SLC39A11: variants seen among roughly 807,000 people sequenced by gnomAD.
The protein encoded by SLC39A11 is solute carrier family 39 member 11, also known as zinc transporter ZIP11.
In SLC39A11, 33 loss-of-function variants were observed where a neutral mutation model predicts 36.1. That is an observed-to-expected ratio of 0.91 (90% CI 0.69 to 1.22). The LOEUF (loss-of-function observed/expected upper bound fraction) is 1.22. Among genes scored for constraint, SLC39A11 ranks in the 50% most tolerant of loss-of-function variants. The probability of loss-of-function intolerance (pLI) is 0.00; values close to 1 mark genes in which losing one functional copy is unlikely to be tolerated. For synonymous variants in SLC39A11, 166 were observed against 170.3 expected (o/e 0.97, Z 0.20); for missense variants, 432 against 430.3 (o/e 1.00, Z -0.03).
chr17:72,717,181 T>C (rs1028324678), intron 7 of SLC39A11, among the ~76,000 whole-genome samples: 2 of 149,600 alleles, frequency 1.3e-5, no homozygotes, highest in Admixed American at 1.3e-4. Context: ...AATAAAAATT[T>C]TAAAAAATTT....
intron 6 of SLC39A11, among the ~76,000 whole-genome samples, chr17:72,801,604 A>G (rs2077086294): frequency 6.6e-6 from 1 of 152,254 alleles, no homozygotes; most frequent in African/African-American, 2.4e-5. Context: ...GGAATTGCAC[A>G]TTGTAAATGG....
chr17:72,746,595 G>A lies in SLC39A11; in HGVS notation c.602-9876C>T, dbSNP rs538692132. Reference sequence around the variant, plus strand: ...CTACTAAAAATACAAAAAATTAGCCGGGCGTGGTGGTGGGCACCTGTAGTC... The same window carrying A: ...CTACTAAAAATACAAAAAATTAGCCAGGCGTGGTGGTGGGCACCTGTAGTC... On this transcript the variant is annotated intron_variant, in intron 6 of 9. Coordinates refer to ENST00000255559, the MANE Select transcript of SLC39A11 (RefSeq NM_139177.4). Among the ~76,000 whole-genome samples, 36 of 152,148 alleles carry A rather than the reference G, an allele frequency of 2.4e-4. No individual in the cohort carries two copies. In the East Asian group the frequency reaches 4.3e-3, roughly 18 times the overall value.
chr17:72,703,074 C>A (rs1473289419), intron 7 of SLC39A11, among the ~76,000 whole-genome samples: 2 of 152,066 alleles, frequency 1.3e-5, no homozygotes, highest in East Asian at 1.9e-4. Flanking sequence ...CATCACCAGA[C>A]ACCAGAGCTG....
rs35888661 is a variant in SLC39A11, at chr17:72,919,669, C to CAAAA, written c.430+28079_430+28082dup. Among the ~76,000 whole-genome samples, 22 of 68,972 alleles carry CAAAA rather than the reference C, an allele frequency of 3.2e-4. 1 individual carries two copies. The highest frequency in any genetic ancestry group is 6.9e-4 in the African/African-American group (10 of 14,520). The allele number at this position is 68,972 out of a possible 152,430, so 45.2% of individuals were successfully genotyped here. ...ACTGGGCGACAGAGGGAGAGTCCGT[C>CAAAA]AAAAAAAAAAAAAAAAGAAAAAAAG... On this transcript the variant is annotated intron_variant, in intron 5 of 9. Coordinates refer to ENST00000255559, the MANE Select transcript of SLC39A11 (RefSeq NM_139177.4).
intron 6 of SLC39A11, among the ~76,000 whole-genome samples, chr17:72,771,483 G>A (rs576796985): frequency 6.6e-5 from 10 of 152,280 alleles, no homozygotes; most frequent in African/African-American, 2.4e-4. Flanking sequence ...GGAGGAAATG[G>A]GGGGGTTACA....
chr17:72,771,968 T>C (rs570399497), intron 6 of SLC39A11, among the ~76,000 whole-genome samples: 266 of 152,302 alleles, frequency 1.7e-3, no homozygotes, highest in African/African-American at 5.1e-3. Context: ...CTCCTTTTCC[T>C]GCAGAGGGTG....
intron 6 of SLC39A11, among the ~76,000 whole-genome samples, chr17:72,836,074 C>T (rs2078530584): frequency 6.6e-6 from 1 of 152,176 alleles, no homozygotes; most frequent in African/African-American, 2.4e-5. Flanking sequence ...GGTGAGGCTT[C>T]CTGCCCAGGT....
intron 6 of SLC39A11, among the ~76,000 whole-genome samples, chr17:72,749,487 C>A (rs2075067771): frequency 6.6e-6 from 1 of 152,206 alleles, no homozygotes; most frequent in Non-Finnish European, 1.5e-5. Context: ...GCTTAGAAAG[C>A]AGGGACAACC....
chr17:72,920,874 C>T (rs1209390729), intron 5 of SLC39A11, among the ~76,000 whole-genome samples: 2 of 151,996 alleles, frequency 1.3e-5, no homozygotes, highest in African/African-American at 4.8e-5. Flanking sequence ...AACATCTACA[C>T]CCCATACACA....
chr17:73,067,886 T>G, intron 3 of SLC39A11: 2 of 1,607,748 alleles, frequency 1.2e-6, no homozygotes, highest in East Asian at 4.5e-5. Context: ...TGCCTGAGAC[T>G]TGCAGTAATG....
chr17:72,696,856 C>A (rs78555352), intron 7 of SLC39A11, among the ~76,000 whole-genome samples: 7,466 of 152,268 alleles, frequency 0.049, 589 homozygotes, highest in African/African-American at 0.17. Context: ...GTGCTAGAGG[C>A]TTGGCCTGTA....
chr17:72,928,853 A>G (rs1430949802), intron 5 of SLC39A11, among the ~76,000 whole-genome samples: 1 of 152,238 alleles, frequency 6.6e-6, no homozygotes, highest in Admixed American at 6.5e-5. Flanking sequence ...GGTAGGCTTC[A>G]TTCATTTCAC....
intron 3 of SLC39A11, among the ~76,000 whole-genome samples, chr17:73,058,274 C>T (rs756124688): frequency 4.6e-5 from 7 of 152,078 alleles, no homozygotes; most frequent in African/African-American, 7.2e-5. Context: ...AATGAGTAAT[C>T]GAAGTGTCCT....
intron 4 of SLC39A11, among the ~76,000 whole-genome samples, chr17:72,950,947 A>G (rs762797737): frequency 6.6e-5 from 10 of 152,126 alleles, no homozygotes; most frequent in Non-Finnish European, 1.2e-4. Context: ...TCAACAATGC[A>G]TAGGACAGCC....
chr17:72,791,098 C>G (rs1401114891), intron 6 of SLC39A11, among the ~76,000 whole-genome samples: 1 of 152,208 alleles, frequency 6.6e-6, no homozygotes, highest in Non-Finnish European at 1.5e-5. Context: ...TTCAGACCTA[C>G]TAAATTAGAC....
intron 6 of SLC39A11, among the ~76,000 whole-genome samples, chr17:72,800,046 T>G (rs956816814): frequency 6.6e-6 from 1 of 152,100 alleles, no homozygotes; most frequent in Non-Finnish European, 1.5e-5. Flanking sequence ...CTCTCTTTGT[T>G]TCTCAGCCGG....
At chr17:72,938,685 C>G (rs976532496) in intron 5 of SLC39A11, among the ~76,000 whole-genome samples, 1 of 152,188 alleles carries the variant, frequency 6.6e-6, no homozygotes, top group Non-Finnish European at 1.5e-5. Flanking sequence ...AAATAAAAGC[C>G]TGGCAGGAAT....
chr17:73,023,822 A>G lies in SLC39A11; in HGVS notation c.306+7734T>C, dbSNP rs140416670. Among the ~76,000 whole-genome samples, 988 of 152,202 alleles carry G rather than the reference A, an allele frequency of 6.5e-3. 13 individuals are homozygous for G. The highest frequency in any genetic ancestry group is 0.023 in the African/African-American group (938 of 41,526). On this transcript the variant is annotated intron_variant, in intron 4 of 9. Coordinates refer to ENST00000255559, the MANE Select transcript of SLC39A11 (RefSeq NM_139177.4). Reference sequence around the variant, plus strand: ...GTGCTGTTTGGGTGGGCCTTGGTCCAATGTGGCTGGTGTCTTCATGGAAAG... The same window carrying G: ...GTGCTGTTTGGGTGGGCCTTGGTCCGATGTGGCTGGTGTCTTCATGGAAAG...
chr17:72,822,095 G>A (rs183743930), intron 6 of SLC39A11: 1 of 151,256 alleles, frequency 6.6e-6, no homozygotes, highest in African/African-American at 2.4e-5. Flanking sequence ...AAAACTCCAG[G>A]GAGGCTGAAA....
Sources: allele counts gnomAD v4.1 joint callset (sites outside exome capture counted in the v4.1 genomes callset), GRCh38; gene constraint gnomAD v4.1.1; transcripts MANE v1.5; gene names NCBI Gene and HGNC (gene_info 2026-07-23, HGNC 2026-07-21).